ARMC9: variants seen among roughly 807,000 people sequenced by gnomAD.
The protein encoded by ARMC9 is armadillo repeat containing 9, also known as lisH domain-containing protein ARMC9.
In ARMC9, 94 loss-of-function variants were observed where a neutral mutation model predicts 107.0. The ratio of observed to expected loss-of-function variants is 0.88; its 90% confidence interval spans 0.74 to 1.04. The LOEUF is 1.04. Among genes scored for constraint, ARMC9 ranks in the 50% least tolerant of loss-of-function variants. The probability of loss-of-function intolerance (pLI) is 0.00; values close to 1 mark genes in which losing one functional copy is unlikely to be tolerated. For synonymous variants in ARMC9, 380 were observed against 396.9 expected (o/e 0.96, Z 0.51); for missense variants, 942 against 1,030.1 (o/e 0.91, Z 1.17).
chr2:231,367,556 T>G (rs1053978924), intron 23 of ARMC9, among the ~76,000 whole-genome samples: 1 of 152,208 alleles, frequency 6.6e-6, no homozygotes. Context: ...CCCTTACCAG[T>G]GCTGGGAATA....
intron 19 of ARMC9, among the ~76,000 whole-genome samples, chr2:231,326,366 G>A (rs545062502): frequency 7.3e-4 from 111 of 152,312 alleles, no homozygotes; most frequent in Non-Finnish European, 1.3e-3. Flanking sequence ...TCTATGACAA[G>A]GGACATCAAA....
At chr2:231,276,578 C>G in intron 14 of ARMC9, 58 bp from the exon 15 acceptor site, 1 of 1,608,818 alleles carries the variant, frequency 6.2e-7, no homozygotes, top group Middle Eastern at 1.7e-4. Context: ...CCTACTGTTT[C>G]CTCTTATATG....
At chr2:231,313,874 C>A (rs1284289680) in intron 19 of ARMC9, among the ~76,000 whole-genome samples, 1 of 151,768 alleles carries the variant, frequency 6.6e-6, no homozygotes, top group East Asian at 1.9e-4. Context: ...ACCACCTCAG[C>A]CTCCTTGAGT....
At chr2:231,339,655 C>A (rs1469658445) in intron 20 of ARMC9, among the ~76,000 whole-genome samples, 1 of 152,138 alleles carries the variant, frequency 6.6e-6, no homozygotes, top group Non-Finnish European at 1.5e-5. Flanking sequence ...CATAAAAACA[C>A]TAGGCCGGGA....
chr2:231,321,586 G>A (rs2042997120), intron 19 of ARMC9, among the ~76,000 whole-genome samples: 1 of 152,154 alleles, frequency 6.6e-6, no homozygotes, highest in Non-Finnish European at 1.5e-5. Flanking sequence ...GTCCAGTCCT[G>A]GAGTGGTGGT....
chr2:231,360,795 C>T lies in ARMC9; in HGVS notation c.2173C>T (p.Arg725Cys), dbSNP rs1024676778. 56 of 1,536,030 alleles carry T rather than the reference C, an allele frequency of 3.6e-5. No individual in the cohort carries two copies. Among genetic ancestry groups the T allele is most frequent in the Non-Finnish European group, 4.4e-5 (51 of 1,146,914 alleles). Reference sequence around the variant, plus strand: ...GCCAGGAGAGTGGCTCCCAAGAGGACGCCAGGAAGAGCCTCGCCCAGCCCC... The same window carrying T: ...GCCAGGAGAGTGGCTCCCAAGAGGATGCCAGGAAGAGCCTCGCCCAGCCCC... Reference protein sequence around the residue: ...AKPGEWLPRGRQEEPRPAPTG... With the variant: ...AKPGEWLPRGCQEEPRPAPTG... The change falls in exon 23 of 25, where the codon CGC becomes TGC. Residue 725 changes from arginine (R) to cysteine (C), a missense_variant. Arg to Cys is a radical substitution (Grantham distance 180). Coordinates refer to ENST00000611582, the MANE Select transcript of ARMC9 (RefSeq NM_001352754.2). This position sits in a 1 kb window ranked among gnomAD's most constrained non-coding sequence, Gnocchi z 4.7.
chr2:231,204,392 C>T (rs1486747590), intron 1 of ARMC9, among the ~76,000 whole-genome samples: 1 of 152,032 alleles, frequency 6.6e-6, no homozygotes, highest in African/African-American at 2.4e-5. Flanking sequence ...CAGCCTGAGG[C>T]CTGTGCACTA....
chr2:231,336,127 T>G (rs955147620), intron 20 of ARMC9, among the ~76,000 whole-genome samples: 8 of 151,700 alleles, frequency 5.3e-5, no homozygotes, highest in African/African-American at 1.9e-4. Context: ...AAAACAATTC[T>G]TCTTAAGAAG....
intron 19 of ARMC9, among the ~76,000 whole-genome samples, chr2:231,296,472 C>T (rs1205603550): frequency 2.6e-5 from 4 of 152,242 alleles, no homozygotes; most frequent in Non-Finnish European, 5.9e-5. Context: ...CTCCCACACT[C>T]ATTGGGTTCA....
At chr2:231,260,931 T>G (rs1384228592) in intron 11 of ARMC9, among the ~76,000 whole-genome samples, 2 of 152,156 alleles carry the variant, frequency 1.3e-5, no homozygotes, top group Non-Finnish European at 1.5e-5. Flanking sequence ...TGCCCCTGCT[T>G]CAACCTCAGT....
At chr2:231,217,494 C>T (rs776785043) in intron 5 of ARMC9, among the ~76,000 whole-genome samples, 31 of 151,134 alleles carry the variant, frequency 2.1e-4, no homozygotes, top group Admixed American at 7.9e-4. Flanking sequence ...TGCTCAAACC[C>T]GGGAGGTGAA....
Position 231,235,052 on chromosome 2 carries a change from A to G in ARMC9, c.623-172A>G, listed in dbSNP as rs77876465. ...TAAGTCAGTGTGGTTACAAAGCACTATGTAAATAAATGTGGCATAAAATAG... is the reference window on the plus strand; with the variant it reads ...TAAGTCAGTGTGGTTACAAAGCACTGTGTAAATAAATGTGGCATAAAATAG... On this transcript the variant is annotated intron_variant, in intron 7 of 24. Transcript: ENST00000611582. Among the ~76,000 whole-genome samples the G allele has an allele frequency of 5.6e-3, 852 of 152,394 alleles. 7 individuals are homozygous for G. Among genetic ancestry groups the G allele is most frequent in the African/African-American group, 0.019 (799 of 41,594 alleles).
intron 23 of ARMC9, among the ~76,000 whole-genome samples, chr2:231,368,845 G>A (rs746286654): frequency 9.2e-5 from 14 of 151,912 alleles, no homozygotes; most frequent in Non-Finnish European, 1.9e-4. Flanking sequence ...GGCTGGTCGC[G>A]AACTCCTGAC....
intron 12 of ARMC9, among the ~76,000 whole-genome samples, chr2:231,263,475 A>T (rs189745997): frequency 1.3e-5 from 2 of 152,200 alleles, no homozygotes; most frequent in African/African-American, 4.8e-5. Flanking sequence ...TTTTATCAGG[A>T]GCCTACTCGC....
At chr2:231,283,691 A>G (rs2040382545) in intron 17 of ARMC9, among the ~76,000 whole-genome samples, 1 of 152,050 alleles carries the variant, frequency 6.6e-6, no homozygotes. Flanking sequence ...CAGCCTCCCA[A>G]AGCGCCGAGA....
At chr2:231,271,097 G>C (rs755465623) in intron 13 of ARMC9, 25 bp downstream of exon 13, 2 of 1,610,392 alleles carry the variant, frequency 1.2e-6, no homozygotes, top group Admixed American at 1.7e-5. Flanking sequence ...TTGCTTCAAA[G>C]ATAAGAGCTA....
chr2:231,270,792 T>C (rs1312211231), intron 12 of ARMC9, 190 bp from the exon 13 acceptor site: 2 of 699,464 alleles, frequency 2.9e-6, no homozygotes, highest in African/African-American at 3.5e-5. Context: ...CTGACTAACT[T>C]ATTTTTGCCA....
rs548008921 is a variant in ARMC9 at position 231,350,132 on chromosome 2, T to C, written c.1994+5042T>C. ...GCTCCGCCTCCCAGGTTCAAGCGAT[T>C]CTCCTGCCTCAGCCTCCCAAGTAGC... On this transcript the variant is annotated intron_variant, in intron 21 of 24. Transcript: ENST00000611582. 3.4e-3 allele frequency among the ~76,000 whole-genome samples: 520 copies of C among 151,864 alleles called. 4 individuals carry two copies. The highest frequency in any genetic ancestry group is 0.012 in the African/African-American group (500 of 41,424).
At chr2:231,248,954 C>T (rs1253127436) in intron 9 of ARMC9, among the ~76,000 whole-genome samples, 1 of 152,148 alleles carries the variant, frequency 6.6e-6, no homozygotes, top group African/African-American at 2.4e-5. Flanking sequence ...GCATTTGAAC[C>T]TCTGTTGAGT....
Sources: allele counts gnomAD v4.1 joint callset (sites outside exome capture counted in the v4.1 genomes callset), GRCh38; gene constraint gnomAD v4.1.1; non-coding constraint Gnocchi (gnomAD v3.1); transcripts MANE v1.5; gene names NCBI Gene and HGNC (gene_info 2026-07-23, HGNC 2026-07-21).